CCDC178: variants seen among roughly 807,000 people sequenced by gnomAD.
CCDC178 encodes the protein coiled-coil domain containing 178, also known as coiled-coil domain-containing protein 178.
A neutral mutation model predicts 117.4 loss-of-function variants in CCDC178; 126 were observed. The ratio of observed to expected loss-of-function variants is 1.07; its 90% CI spans 0.93 to 1.24. The LOEUF is 1.24. CCDC178 is among the 50% of genes most tolerant of loss of function. The probability of loss-of-function intolerance (pLI) is 0.00; values close to 1 mark genes in which losing one functional copy is unlikely to be tolerated. For synonymous variants in CCDC178, 283 were observed against 313.4 expected, an observed-to-expected ratio of 0.90 and a Z score of 1.02; for missense variants, 1,030 against 986.9, an observed-to-expected ratio of 1.04 and a Z score of -0.59.
chr18:33,121,341 C>T (rs530996577), intron 20 of CCDC178, among the ~76,000 whole-genome samples: 3 of 152,158 alleles, frequency 2.0e-5, no homozygotes, highest in East Asian at 3.9e-4. Flanking sequence ...TTCCAGGCTG[C>T]CCAAAATCTT....
chr18:33,320,458 CAGAG>C (rs1222057119), intron 11 of CCDC178, among the ~76,000 whole-genome samples: 1 of 152,058 alleles, frequency 6.6e-6, no homozygotes, highest in Middle Eastern at 3.2e-3. Flanking sequence ...AACAGACAAA[CAGAG>C]AGCCAAATCA....
At chr18:33,021,960 T>C (rs1018387387) in intron 21 of CCDC178, among the ~76,000 whole-genome samples, 7 of 152,290 alleles carry the variant, frequency 4.6e-5, no homozygotes, top group African/African-American at 1.7e-4. Context: ...ACCAAAAATG[T>C]TCTAAAAGCA....
At chr18:33,203,148 A>T (rs1453303781) in intron 20 of CCDC178, among the ~76,000 whole-genome samples, 1 of 152,128 alleles carries the variant, frequency 6.6e-6, no homozygotes, top group African/African-American at 2.4e-5. Context: ...AAGTCCTGAG[A>T]TTATCAGAAA....
chr18:33,399,756 T>C (rs2063685701), intron 3 of CCDC178, among the ~76,000 whole-genome samples: 1 of 152,174 alleles, frequency 6.6e-6, no homozygotes, highest in Non-Finnish European at 1.5e-5. Context: ...CTCAAAGTCA[T>C]CCAGGAGACT....
chr18:33,122,999 T>C (rs1219174931), intron 20 of CCDC178, among the ~76,000 whole-genome samples: 2 of 152,096 alleles, frequency 1.3e-5, no homozygotes, highest in South Asian at 2.1e-4. Context: ...CGAAGTCAGA[T>C]GCTTGGTGAC....
chr18:33,413,393 A>G (rs114637622), intron 2 of CCDC178, among the ~76,000 whole-genome samples: 1 of 152,150 alleles, frequency 6.6e-6, no homozygotes, highest in Non-Finnish European at 1.5e-5. Flanking sequence ...TTTTATGGAC[A>G]TTAACATTTT....
At chr18:33,341,586 C>A (rs909561618) in intron 9 of CCDC178, among the ~76,000 whole-genome samples, 1 of 152,162 alleles carries the variant, frequency 6.6e-6, no homozygotes, top group African/African-American at 2.4e-5. Context: ...GTAATTTAAT[C>A]ACATGGTCCA....
chr18:33,229,104 T>C (rs2059341616), intron 15 of CCDC178, among the ~76,000 whole-genome samples: 1 of 152,104 alleles, frequency 6.6e-6, no homozygotes, highest in African/African-American at 2.4e-5. Context: ...AGGAGCATAT[T>C]TGGAATCAAC....
intron 5 of CCDC178, among the ~76,000 whole-genome samples, chr18:33,389,002 A>T (rs2063530382): frequency 6.6e-6 from 1 of 152,030 alleles, no homozygotes. Flanking sequence ...AGGGCAGGTT[A>T]GGGGAAAGCC....
intron 9 of CCDC178, among the ~76,000 whole-genome samples, chr18:33,340,786 G>A (rs751679755): frequency 1.4e-4 from 21 of 152,196 alleles, no homozygotes; most frequent in South Asian, 4.1e-4. Context: ...GAGAACCTCC[G>A]CCTAAATTTC....
chr18:33,269,464 T>C (rs1568103572), intron 12 of CCDC178, among the ~76,000 whole-genome samples: 2 of 151,806 alleles, frequency 1.3e-5, no homozygotes, highest in Non-Finnish European at 2.9e-5. Flanking sequence ...ATCTTGAGGC[T>C]CTATGAAAGC....
chr18:32,990,333 C>T (rs1315421390), intron 21 of CCDC178, among the ~76,000 whole-genome samples: 5 of 152,052 alleles, frequency 3.3e-5, no homozygotes, highest in Non-Finnish European at 5.9e-5. Context: ...AAGTCGGAGA[C>T]ATTTGCCCTG....
At chr18:33,374,356 T>C (rs369145458) in intron 5 of CCDC178, among the ~76,000 whole-genome samples, 27 of 152,276 alleles carry the variant, frequency 1.8e-4, no homozygotes, top group African/African-American at 6.5e-4. Context: ...AATATACAAA[T>C]GACTATTGCA....
intron 21 of CCDC178, among the ~76,000 whole-genome samples, chr18:33,075,641 C>A (rs1352889600): frequency 1.3e-5 from 2 of 152,064 alleles, no homozygotes; most frequent in Non-Finnish European, 2.9e-5. Flanking sequence ...TGACTAGATA[C>A]AACATTCTTG....
intron 11 of CCDC178, among the ~76,000 whole-genome samples, chr18:33,295,660 G>T (rs187109350): frequency 3.3e-4 from 50 of 152,206 alleles, no homozygotes; most frequent in African/African-American, 1.2e-3. Flanking sequence ...ATGAAAAAGA[G>T]AATTCAATAA....
At chr18:33,021,360 G>A (rs1262883449) in intron 21 of CCDC178, among the ~76,000 whole-genome samples, 1 of 151,822 alleles carries the variant, frequency 6.6e-6, no homozygotes, top group Admixed American at 6.6e-5. Context: ...CATTGTTACT[G>A]ACTCTTTCAG....
At chr18:33,168,722 T>C (rs1247306481) in intron 20 of CCDC178, among the ~76,000 whole-genome samples, 1 of 152,208 alleles carries the variant, frequency 6.6e-6, no homozygotes, top group African/African-American at 2.4e-5. Flanking sequence ...CTTAGTAATA[T>C]GTCCTAACGG....
chr18:33,084,968 A>G (rs988963301), intron 21 of CCDC178, among the ~76,000 whole-genome samples: 2 of 152,096 alleles, frequency 1.3e-5, no homozygotes, highest in South Asian at 2.1e-4. Context: ...ATGTCTTACC[A>G]TGGTGCTATT....
intron 12 of CCDC178, among the ~76,000 whole-genome samples, chr18:33,278,805 G>A (rs989089317): frequency 3.3e-5 from 5 of 151,986 alleles, no homozygotes; most frequent in Non-Finnish European, 5.9e-5. Flanking sequence ...TTCAATATAC[G>A]CAAATCAATA....
Sources: gnomAD v4.1 joint callset for allele counts (sites outside exome capture counted in the v4.1 genomes callset) on GRCh38, gnomAD v4.1.1 for gene constraint, MANE v1.5 for transcripts, NCBI Gene and HGNC (gene_info 2026-07-23, HGNC 2026-07-21) for gene names.